The following MIPOL1 variants were observed in gnomAD, a reference collection of about 807,000 sequenced individuals.
The protein encoded by MIPOL1 is mirror-image polydactyly gene 1 protein.
A neutral mutation model predicts 60.9 loss-of-function variants in MIPOL1; 57 were observed. That is an observed-to-expected ratio of 0.94 (90% CI 0.76 to 1.17). The LOEUF (loss-of-function observed/expected upper bound fraction) is 1.17. Among genes scored for constraint, MIPOL1 ranks in the 50% most tolerant of loss-of-function variants. MIPOL1 has a pLI of 0.00. For missense variants in MIPOL1, 551 were observed against 511.6 expected, an observed-to-expected ratio of 1.08 and a Z score of -0.74; for synonymous variants, 179 against 168.8, an observed-to-expected ratio of 1.06 and a Z score of -0.47.
chr14:37,490,278 C>T (rs1381226148), intron 11 of MIPOL1, among the ~76,000 whole-genome samples: 5 of 152,166 alleles, frequency 3.3e-5, no homozygotes, highest in South Asian at 2.1e-4. Context: ...ACTCAAGCCT[C>T]GGCAATGGTG....
intron 12 of MIPOL1, among the ~76,000 whole-genome samples, chr14:37,544,697 T>G (rs1402765415): frequency 6.6e-6 from 1 of 152,226 alleles, no homozygotes; most frequent in Non-Finnish European, 1.5e-5. Context: ...GTCAGTAAGC[T>G]TTCACAAAAC....
intron 6 of MIPOL1, among the ~76,000 whole-genome samples, chr14:37,281,063 C>A (rs1477678094): frequency 2.6e-5 from 4 of 152,158 alleles, no homozygotes; most frequent in Admixed American, 2.0e-4. Context: ...CGTTTGGGGT[C>A]ATATTCAAGA....
chr14:37,223,538 C>T (rs901515822), intron 1 of MIPOL1, among the ~76,000 whole-genome samples: 4 of 151,320 alleles, frequency 2.6e-5, no homozygotes, highest in African/African-American at 9.7e-5. Flanking sequence ...GTGTCACTCT[C>T]ATTGCCCAGG....
At chr14:37,275,275 G>A (rs1433327093) in intron 6 of MIPOL1, among the ~76,000 whole-genome samples, 5 of 151,248 alleles carry the variant, frequency 3.3e-5, no homozygotes, top group Admixed American at 6.6e-5. Context: ...AATTATACAT[G>A]TGGGTAATAT....
At chr14:37,264,287 A>G (rs1035610821) in intron 3 of MIPOL1, among the ~76,000 whole-genome samples, 8 of 152,092 alleles carry the variant, frequency 5.3e-5, no homozygotes, top group Admixed American at 5.2e-4. Context: ...TTGAAAAGTC[A>G]AAGTGTTTCA....
chr14:37,219,471 C>G (rs1330806588), intron 1 of MIPOL1: 1 of 152,228 alleles, frequency 6.6e-6, no homozygotes, highest in Non-Finnish European at 1.5e-5. Flanking sequence ...ATCAAGTGAT[C>G]CTCCCACCTC....
chr14:37,295,178 C>T (rs1567327281), intron 7 of MIPOL1, among the ~76,000 whole-genome samples: 1 of 152,122 alleles, frequency 6.6e-6, no homozygotes, highest in Non-Finnish European at 1.5e-5. Context: ...GAATTTTCAA[C>T]CCAGAATTTC....
intron 1 of MIPOL1, among the ~76,000 whole-genome samples, chr14:37,233,384 C>T (rs1000681537): frequency 3.9e-5 from 6 of 151,990 alleles, no homozygotes; most frequent in Admixed American, 2.0e-4. Context: ...TATGTGGAGG[C>T]TTCAAAAAGT....
chr14:37,218,543 A>G (rs945132745), intron 1 of MIPOL1, among the ~76,000 whole-genome samples: 6 of 152,102 alleles, frequency 3.9e-5, no homozygotes, highest in South Asian at 2.1e-4. Flanking sequence ...AATAGGGTCT[A>G]TTTTGGTAAA....
At chr14:37,229,256 T>A (rs1010169588) in intron 1 of MIPOL1, among the ~76,000 whole-genome samples, 1 of 152,134 alleles carries the variant, frequency 6.6e-6, no homozygotes, top group Non-Finnish European at 1.5e-5. Context: ...CTGGCTCAAG[T>A]GATCTCTTAC....
chr14:37,438,244 A>C (rs539033441), intron 11 of MIPOL1, among the ~76,000 whole-genome samples: 3 of 152,336 alleles, frequency 2.0e-5, no homozygotes, highest in African/African-American at 4.8e-5. Flanking sequence ...GTACAAATTC[A>C]AAGTATAACA....
chr14:37,247,419 TTAAAG>T (rs1040948868), intron 2 of MIPOL1, among the ~76,000 whole-genome samples, 179 bp downstream of exon 2: 3 of 152,050 alleles, frequency 2.0e-5, no homozygotes, highest in Non-Finnish European at 2.9e-5. Context: ...GTAAAATTTA[TTAAAG>T]TAATCTATAT....
intron 10 of MIPOL1, among the ~76,000 whole-genome samples, chr14:37,398,689 C>T (rs932498090): frequency 6.6e-5 from 10 of 152,144 alleles, no homozygotes; most frequent in African/African-American, 2.4e-4. Context: ...ACCACAATAT[C>T]ACAGGTAAGC....
At chr14:37,249,499 C>T (rs73254028) in intron 3 of MIPOL1, among the ~76,000 whole-genome samples, 11,107 of 152,126 alleles carry the variant, frequency 0.073, 1,346 homozygotes, top group African/African-American at 0.25. Context: ...TTTGCACCCA[C>T]CATTAGTAAT....
At chr14:37,504,035 C>G (rs964248832) in intron 12 of MIPOL1, 3 of 152,112 alleles carry the variant, frequency 2.0e-5, no homozygotes, top group Non-Finnish European at 4.4e-5. Context: ...GTAAAGGGAT[C>G]ACTTCAACAA....
At chr14:37,356,934 C>A (rs1056293113) in intron 9 of MIPOL1, among the ~76,000 whole-genome samples, 1 of 152,118 alleles carries the variant, frequency 6.6e-6, no homozygotes, top group African/African-American at 2.4e-5. Context: ...CTCCTCCCCC[C>A]AGGATCTCAT....
intron 10 of MIPOL1, among the ~76,000 whole-genome samples, chr14:37,408,731 G>T (rs1012860063): frequency 5.9e-5 from 9 of 152,132 alleles, no homozygotes; most frequent in Non-Finnish European, 4.4e-5. Context: ...ATTTTTGATG[G>T]TTGTGATATG....
At chr14:37,367,473 T>A (rs1462808452) in intron 9 of MIPOL1, among the ~76,000 whole-genome samples, 1 of 152,058 alleles carries the variant, frequency 6.6e-6, no homozygotes, top group Non-Finnish European at 1.5e-5. Flanking sequence ...CCTGGGTGAT[T>A]TCTAATTTAT....
chr14:37,268,876 C>G, intron 5 of MIPOL1, 83 bp downstream of exon 5: 2 of 1,165,430 alleles, frequency 1.7e-6, no homozygotes, highest in Non-Finnish European at 2.3e-6. Flanking sequence ...CATCATAATT[C>G]AGTTTTATTT....
Sources: allele counts gnomAD v4.1 joint callset (sites outside exome capture counted in the v4.1 genomes callset), GRCh38; gene constraint gnomAD v4.1.1; transcripts MANE v1.5; gene names NCBI Gene and HGNC (gene_info 2026-07-23, HGNC 2026-07-21).